The following GLG1 variants were observed in gnomAD, a reference collection of about 807,000 sequenced individuals.
GLG1 encodes golgi glycoprotein 1, also known as Golgi apparatus protein 1.
In GLG1, 38 loss-of-function variants were observed where a neutral mutation model predicts 160.5. The ratio of observed to expected loss-of-function variants is 0.24; its 90% confidence interval spans 0.18 to 0.31. The LOEUF (loss-of-function observed/expected upper bound fraction) is 0.31. GLG1 is among the 10% of genes least tolerant of loss of function. GLG1 has a pLI of 1.00. For missense variants in GLG1, 1,373 were observed against 1,505.2 expected, an observed-to-expected ratio of 0.91 and a Z score of 1.45; for synonymous variants, 644 against 543.4, an observed-to-expected ratio of 1.19 and a Z score of -2.57.
intron 13 of GLG1, among the ~76,000 whole-genome samples, chr16:74,473,370 C>G (rs558146721): frequency 6.6e-6 from 1 of 151,832 alleles, no homozygotes; most frequent in Non-Finnish European, 1.5e-5. Flanking sequence ...TGTTTTACCA[C>G]GCCCAGCTAA....
At chr16:74,555,225 G>C (rs1171137060) in intron 1 of GLG1, among the ~76,000 whole-genome samples, 1 of 151,944 alleles carries the variant, frequency 6.6e-6, no homozygotes, top group Admixed American at 6.6e-5. Context: ...GATCAAGAAA[G>C]CCAACTCCCC....
At chr16:74,582,160 A>G (rs1957952221) in intron 1 of GLG1, among the ~76,000 whole-genome samples, 1 of 151,990 alleles carries the variant, frequency 6.6e-6, no homozygotes, top group Admixed American at 6.6e-5. Flanking sequence ...AGATCTCCAT[A>G]ATCTGTTTTT....
At position 74,467,812 on chromosome 16, in the gene GLG1, C is replaced by T. The variant is rs2015053620; in HGVS notation, c.2473G>A (p.Ala825Thr). The change falls in exon 18 of 26, where the codon GCC (alanine) becomes ACC (threonine). Residue 825 changes from alanine to threonine, a missense_variant. Transcript: ENST00000422840. ...DIRLEPDLYEACKSDIKNFCS... is the reference protein window; with the variant it reads ...DIRLEPDLYETCKSDIKNFCS... ...AAGTTTTTGATGTCACTCTTGCAGG[C>T]TTCGTATAGATCTGGCTCCAAGCGG... 1 of 1,613,652 alleles carries T rather than the reference C, an allele frequency of 6.2e-7. No homozygotes were observed. The highest frequency in any genetic ancestry group is 8.5e-7 in the Non-Finnish European group (1 of 1,179,612).
intron 1 of GLG1, among the ~76,000 whole-genome samples, chr16:74,585,709 C>CA (rs556357835): frequency 0.13 from 12,906 of 99,710 alleles, 898 homozygotes; most frequent in Admixed American, 0.23. Flanking sequence ...GACTCCGTCT[C>CA]AAAAAAAAAA....
intron 2 of GLG1, among the ~76,000 whole-genome samples, chr16:74,527,285 T>A (rs182125983): frequency 6.7e-6 from 1 of 149,342 alleles, no homozygotes; most frequent in African/African-American, 2.5e-5. Context: ...GTTTTGCTCT[T>A]TTTGCCCAGG....
chr16:74,575,810 A>C (rs2018985591), intron 1 of GLG1, among the ~76,000 whole-genome samples: 1 of 152,202 alleles, frequency 6.6e-6, no homozygotes, highest in Admixed American at 6.5e-5. Context: ...ATATATTCAA[A>C]TTCATCACCA....
rs767625905 is a variant in GLG1, at chr16:74,467,797, T to C, written c.2488A>G (p.Ile830Val). ...TGCACAGCGGAACAGAAGTTTTTGATGTCACTCTTGCAGGCTTCGTATAGA... is the reference window on the plus strand; with the variant it reads ...TGCACAGCGGAACAGAAGTTTTTGACGTCACTCTTGCAGGCTTCGTATAGA... ...PDLYEACKSDIKNFCSAVQYG... is the reference protein window; with the variant it reads ...PDLYEACKSDVKNFCSAVQYG... The change falls in exon 18 of 26, where the codon ATC becomes GTC. Residue 830 changes from isoleucine (I) to valine (V), a missense_variant. Transcript: ENST00000422840. The C allele has an allele frequency of 5.6e-6, 9 of 1,613,634 alleles. No individual in the cohort carries two copies. In the Middle Eastern group the frequency reaches 4.9e-4, roughly 88 times the overall value.
chr16:74,515,012 C>A (rs1253395764), intron 2 of GLG1, among the ~76,000 whole-genome samples: 1 of 151,556 alleles, frequency 6.6e-6, no homozygotes, highest in Non-Finnish European at 1.5e-5. Flanking sequence ...TCTGATAAAA[C>A]AGACTTTAAA....
intron 23 of GLG1, 108 bp from the exon 24 acceptor site, chr16:74,458,102 TAAC>T: frequency 4.5e-6 from 5 of 1,110,570 alleles, no homozygotes; most frequent in African/African-American, 1.5e-5. Context: ...AGTTGAGGGC[TAAC>T]AACAGAGACC....
At chr16:74,509,805 C>T (rs1271755845) in intron 2 of GLG1, among the ~76,000 whole-genome samples, 4 of 150,292 alleles carry the variant, frequency 2.7e-5, no homozygotes, top group African/African-American at 9.8e-5. Flanking sequence ...GCCGAGATAG[C>T]GCCACTGCAC....
chr16:74,452,439 G>A lies in GLG1; in HGVS notation c.*728C>T. On this transcript the variant is annotated 3_prime_UTR_variant, in exon 26 of 26. Transcript: ENST00000422840. ...CCCCTCCCCAGCTGCCCTTGTCTAG[G>A]AAGGCTCATGCTTTGCTTCAATGAA... 8.8e-7 allele frequency: 1 copy of A among 1,136,008 alleles called. No individual in the cohort carries two copies. The allele number at this position is 1,136,008 out of a possible 1,614,324, so 70.4% of individuals were successfully genotyped here.
intron 1 of GLG1, among the ~76,000 whole-genome samples, chr16:74,603,149 T>C (rs1271174021): frequency 6.6e-6 from 1 of 151,756 alleles, no homozygotes; most frequent in Non-Finnish European, 1.5e-5. Flanking sequence ...CAATAGCTCA[T>C]GACTGTAATC....
At chr16:74,500,441 G>A (rs1442557618) in intron 4 of GLG1, among the ~76,000 whole-genome samples, 5 of 149,206 alleles carry the variant, frequency 3.4e-5, no homozygotes, top group African/African-American at 4.9e-5. Context: ...CCCATATTCC[G>A]TGTCCTTTAA....
Position 74,474,635 on chromosome 16 carries a change from G to A in GLG1, c.1966-3C>T. The A allele has an allele frequency of 6.8e-7, 1 of 1,477,946 alleles. No homozygotes were observed. The highest frequency in any genetic ancestry group is 9.5e-7 in the Non-Finnish European group (1 of 1,055,678). The allele number at this position is 1,477,946 out of a possible 1,614,324, so 91.6% of individuals were successfully genotyped here. A position where few individuals can be genotyped will look rare whatever the true frequency, so the allele number is the denominator to read the frequency against. On this transcript the variant is annotated splice_region_variant and splice_polypyrimidine_tract_variant and intron_variant, in intron 12 of 25. Coordinates refer to ENST00000422840, the MANE Select transcript of GLG1 (RefSeq NM_001145667.2). ...TGGTCCTGAAGGCACTCCAGCTCCTGCAAATATAAAGGCAAGCCACTGGCA... is the reference window on the plus strand; with the variant it reads ...TGGTCCTGAAGGCACTCCAGCTCCTACAAATATAAAGGCAAGCCACTGGCA...
chr16:74,570,583 T>C (rs1371263730), intron 1 of GLG1, among the ~76,000 whole-genome samples: 2 of 152,190 alleles, frequency 1.3e-5, no homozygotes, highest in African/African-American at 4.8e-5. Flanking sequence ...GAATGTGACA[T>C]TGTTGCTCAT....
At chr16:74,471,088 G>A (rs2015192071) in intron 15 of GLG1, 85 bp downstream of exon 15, 2 of 808,782 alleles carry the variant, frequency 2.5e-6, no homozygotes, top group Non-Finnish European at 4.4e-6. Context: ...GAACATCAGA[G>A]GTGCTCTGAT....
At chr16:74,551,490 A>G (rs886845312) in intron 1 of GLG1, among the ~76,000 whole-genome samples, 4 of 55,568 alleles carry the variant, frequency 7.2e-5, no homozygotes, top group African/African-American at 2.6e-4. Flanking sequence ...TTTTTTTTTT[A>G]ATTTTTAGTA....
chr16:74,599,993 C>G (rs1958401804), intron 1 of GLG1, among the ~76,000 whole-genome samples: 1 of 152,074 alleles, frequency 6.6e-6, no homozygotes, highest in Non-Finnish European at 1.5e-5. Context: ...GAGATCGCGC[C>G]ACTGCACTCC....
chr16:74,510,804 C>T (rs2016780179), intron 2 of GLG1, among the ~76,000 whole-genome samples: 2 of 152,072 alleles, frequency 1.3e-5, no homozygotes, highest in East Asian at 1.9e-4. Context: ...CAGTCAATGG[C>T]AGGGAGTATG....
Sources: allele counts gnomAD v4.1 joint callset (sites outside exome capture counted in the v4.1 genomes callset), GRCh38; gene constraint gnomAD v4.1.1; transcripts MANE v1.5; gene names NCBI Gene and HGNC (gene_info 2026-07-23, HGNC 2026-07-21).